GSG1L: variants seen among roughly 807,000 people sequenced by gnomAD.
The protein encoded by GSG1L is germ cell-specific gene 1-like protein.
Under a neutral mutation model 42.1 loss-of-function variants are expected in GSG1L, and 24 were observed. The ratio of observed to expected loss-of-function variants is 0.57; its 90% CI spans 0.41 to 0.80. The LOEUF (loss-of-function observed/expected upper bound fraction) is 0.80, where lower values mean the gene tolerates loss of function less well. GSG1L is among the 30% of genes least tolerant of loss of function. The pLI is 0.00. For synonymous variants in GSG1L, 215 were observed against 203.5 expected (o/e 1.06, Z -0.48); for missense variants, 445 against 472.2 (o/e 0.94, Z 0.53).
At chr16:28,061,821 G>A (rs2086344965) in intron 1 of GSG1L, among the ~76,000 whole-genome samples, 1 of 152,240 alleles carries the variant, frequency 6.6e-6, no homozygotes, top group Admixed American at 6.5e-5. Context: ...TGGAAGGCAG[G>A]TGGGAGAGTC....
chr16:28,015,198 A>G (rs878228), intron 1 of GSG1L, among the ~76,000 whole-genome samples: 75,268 of 152,162 alleles, frequency 0.49, 20,690 homozygotes, highest in Non-Finnish European at 0.61. Context: ...GGGTCTGGGC[A>G]ACACCATATC....
At chr16:27,889,781 C>T (rs1385040743) in intron 2 of GSG1L, among the ~76,000 whole-genome samples, 2 of 152,156 alleles carry the variant, frequency 1.3e-5, no homozygotes, top group Admixed American at 6.5e-5. Flanking sequence ...ACCAGTCTCC[C>T]CAGGGAGCAT....
chr16:28,039,483 A>T (rs1295831477), intron 1 of GSG1L, among the ~76,000 whole-genome samples: 1 of 152,152 alleles, frequency 6.6e-6, no homozygotes, highest in Non-Finnish European at 1.5e-5. Flanking sequence ...ACCAAATGTT[A>T]ACAGGGCCAA....
At chr16:28,046,680 T>C (rs150613423) in intron 1 of GSG1L, among the ~76,000 whole-genome samples, 2 of 152,244 alleles carry the variant, frequency 1.3e-5, no homozygotes, top group African/African-American at 4.8e-5. Context: ...TGGCCGTCTC[T>C]GCTTCCACTC....
intron 1 of GSG1L, among the ~76,000 whole-genome samples, chr16:27,987,640 G>C (rs938978966): frequency 1.3e-5 from 2 of 152,144 alleles, no homozygotes; most frequent in African/African-American, 4.8e-5. Context: ...AGAGTGACTG[G>C]GGAAGACGTT....
chr16:28,026,104 C>T (rs902675075), intron 1 of GSG1L, among the ~76,000 whole-genome samples: 4 of 152,166 alleles, frequency 2.6e-5, no homozygotes, highest in African/African-American at 7.2e-5. Context: ...AGCTAGTCCT[C>T]GGCCCGGGTT....
intron 1 of GSG1L, among the ~76,000 whole-genome samples, chr16:27,982,319 T>C (rs2085334688): frequency 6.6e-6 from 1 of 152,204 alleles, no homozygotes; most frequent in Non-Finnish European, 1.5e-5. Context: ...TGAGCTATGA[T>C]TGTGCCATTG....
chr16:27,999,832 A>T (rs995800230), intron 1 of GSG1L, among the ~76,000 whole-genome samples: 7 of 152,172 alleles, frequency 4.6e-5, no homozygotes, highest in Non-Finnish European at 1.0e-4. Context: ...ACCACAGATG[A>T]GGGAGAGAAA....
At chr16:27,924,138 A>C (rs1324975904) in intron 2 of GSG1L, among the ~76,000 whole-genome samples, 1 of 151,824 alleles carries the variant, frequency 6.6e-6, no homozygotes, top group Admixed American at 6.6e-5. Context: ...ACACACATAA[A>C]TGCTTATAAA....
At chr16:27,963,303 T>A in intron 1 of GSG1L, 100 bp from the exon 2 acceptor site, 1 of 996,214 alleles carries the variant, frequency 1.0e-6, no homozygotes, top group Non-Finnish European at 1.6e-6. Flanking sequence ...AGCCAGTGTC[T>A]CTGACCCAAG....
rs554897698 is a variant in GSG1L at position 27,869,677 on chromosome 16, TTCTC to T, written c.550+14805_550+14808del. On this transcript the variant is annotated intron_variant, in intron 3 of 6. Coordinates refer to ENST00000447459, the MANE Select transcript of GSG1L (RefSeq NM_001109763.2). ...TCTTCCTCCATCTCTCTCTCTCTCC[TTCTC>T]TCTCTGTCTCTGTCTCCCTCCATTT... Among the ~76,000 whole-genome samples the T allele has an allele frequency of 2.4e-4, 29 of 120,284 alleles. No individual in the cohort carries two copies. The South Asian group carries it at 6.4e-3, about 27-fold the overall frequency. The allele number at this position is 120,284 out of a possible 152,430, so 78.9% of individuals were successfully genotyped here.
At chr16:27,976,386 C>T (rs1405166212) in intron 1 of GSG1L, among the ~76,000 whole-genome samples, 1 of 152,156 alleles carries the variant, frequency 6.6e-6, no homozygotes, top group East Asian at 1.9e-4. Context: ...CTGTTGTGTC[C>T]TCAAAGCCTG....
intron 1 of GSG1L, among the ~76,000 whole-genome samples, chr16:28,014,807 C>A (rs773270369): frequency 2.0e-5 from 3 of 151,910 alleles, no homozygotes; most frequent in Non-Finnish European, 4.4e-5. Context: ...CTCATTTGTC[C>A]CACTGGGCTG....
At chr16:28,036,810 C>G (rs181384402) in intron 1 of GSG1L, among the ~76,000 whole-genome samples, 1 of 152,154 alleles carries the variant, frequency 6.6e-6, no homozygotes, top group Admixed American at 6.5e-5. Context: ...TCCCTACAGA[C>G]GTCCTGATGC....
intron 1 of GSG1L, among the ~76,000 whole-genome samples, chr16:28,009,454 T>C (rs205369): frequency 0.21 from 32,359 of 152,196 alleles, 3,826 homozygotes; most frequent in South Asian, 0.41. Flanking sequence ...CATTTGTGTG[T>C]GTGCTCACCT....
intron 3 of GSG1L, among the ~76,000 whole-genome samples, chr16:27,881,053 GACC>G (rs2083947459): frequency 1.3e-5 from 2 of 152,000 alleles, no homozygotes; most frequent in African/African-American, 4.8e-5. Flanking sequence ...GGGTCCCTCT[GACC>G]ATCTGACCCC....
intron 2 of GSG1L, among the ~76,000 whole-genome samples, chr16:27,891,265 G>T (rs1010583775): frequency 3.3e-5 from 5 of 152,104 alleles, no homozygotes; most frequent in East Asian, 1.9e-4. Flanking sequence ...CAGAACCAAA[G>T]AGTGAAAAAG....
At chr16:28,013,203 G>A (rs2085743111) in intron 1 of GSG1L, among the ~76,000 whole-genome samples, 1 of 138,746 alleles carries the variant, frequency 7.2e-6, no homozygotes, top group African/African-American at 2.7e-5. Flanking sequence ...TGGGCCACAA[G>A]AGCAAAACTC....
At chr16:27,855,011 A>T (rs564384599) in intron 3 of GSG1L, among the ~76,000 whole-genome samples, 2 of 152,256 alleles carry the variant, frequency 1.3e-5, no homozygotes, top group African/African-American at 4.8e-5. Context: ...GCAATGAGCT[A>T]TGATCATACC....
Sources: gnomAD v4.1 joint callset for allele counts (sites outside exome capture counted in the v4.1 genomes callset) on GRCh38, gnomAD v4.1.1 for gene constraint, MANE v1.5 for transcripts, NCBI Gene and HGNC (gene_info 2026-07-23, HGNC 2026-07-21) for gene names.